PALB2: variants seen among roughly 807,000 people sequenced by gnomAD.
PALB2 encodes the protein mutant partner and localizer of BRCA2.
Under a neutral mutation model 107.4 loss-of-function variants are expected in PALB2, and 82 were observed. That is an observed-to-expected ratio of 0.76 (90% CI 0.64 to 0.92). The LOEUF is 0.92. Among genes scored for constraint, PALB2 ranks in the 40% least tolerant of loss-of-function variants. The pLI is 0.00. For missense variants in PALB2, 1,374 were observed against 1,379.9 expected (o/e 1.00, Z 0.07); for synonymous variants, 489 against 496.8 (o/e 0.98, Z 0.21).
At chr16:23,627,524 T>G (rs1243022602) in intron 6 of PALB2, among the ~76,000 whole-genome samples, 1 of 144,350 alleles carries the variant, frequency 6.9e-6, no homozygotes, top group Admixed American at 6.8e-5. Context: ...AAAATCATAA[T>G]CACAAAGGCA....
At chr16:23,610,629 G>C (rs1057325237) in intron 11 of PALB2, among the ~76,000 whole-genome samples, 2 of 151,914 alleles carry the variant, frequency 1.3e-5, no homozygotes, top group African/African-American at 4.8e-5. Context: ...TCTGAAGATT[G>C]GCTTTATGGG....
intron 6 of PALB2, among the ~76,000 whole-genome samples, chr16:23,628,744 T>C (rs976128764): frequency 6.6e-6 from 1 of 152,146 alleles, no homozygotes; most frequent in African/African-American, 2.4e-5. Context: ...AAGTATTCTC[T>C]TCCCTCAGCC....
intron 1 of PALB2, 87 bp downstream of exon 1, chr16:23,641,023 C>T: frequency 2.0e-6 from 3 of 1,489,130 alleles, no homozygotes; most frequent in Admixed American, 3.8e-5. Context: ...CTGCTGCCCT[C>T]GGACTGCCGA....
At position 23,621,158 on chromosome 16, in the gene PALB2, C is replaced by T. The variant is rs8060124; in HGVS notation, c.3113+204G>A. Reference sequence around the variant, plus strand: ...CCAGGAGGCAGAGGTTGCAGTGAGCCGAGATCATACCACTGTACTCCCACC... The same window carrying T: ...CCAGGAGGCAGAGGTTGCAGTGAGCTGAGATCATACCACTGTACTCCCACC... On this transcript the variant is annotated intron_variant, in intron 10 of 12. Coordinates refer to ENST00000261584, the MANE Select transcript of PALB2 (RefSeq NM_024675.4). 0.18 allele frequency among the ~76,000 whole-genome samples: 27,720 copies of T among 152,044 alleles called. 2,645 individuals are homozygous for T. Among genetic ancestry groups the T allele is most frequent in the African/African-American group, 0.22 (9,276 of 41,460 alleles).
In PALB2 at chr16:23,634,840, C is replaced by T. The variant is rs776900346; in HGVS notation, c.1684+22G>A. The T allele has an allele frequency of 1.3e-5, 21 of 1,604,000 alleles. No individual in the cohort carries two copies. The East Asian group carries it at 4.7e-4, about 36-fold the overall frequency. ...TAACTTTCATCATCATCATCATCAT[C>T]ATCAAACACATCTTGATTTACCTTT... On this transcript the variant is annotated intron_variant, in intron 4 of 12. Coordinates refer to ENST00000261584, the MANE Select transcript of PALB2 (RefSeq NM_024675.4).
chr16:23,638,622 T>G (rs1967125454), intron 1 of PALB2: 1 of 448,964 alleles, frequency 2.2e-6, no homozygotes, highest in African/African-American at 2.0e-5. Context: ...CCACTATGTG[T>G]CAATTAGTGC....
chr16:23,633,581 C>T (rs1361288700), intron 4 of PALB2, among the ~76,000 whole-genome samples: 1 of 152,180 alleles, frequency 6.6e-6, no homozygotes, highest in Non-Finnish European at 1.5e-5. Flanking sequence ...CGTTGCTGCC[C>T]ATCCTCCAAA....
chr16:23,604,989 G>A (rs993262058), intron 12 of PALB2, among the ~76,000 whole-genome samples: 5 of 151,924 alleles, frequency 3.3e-5, no homozygotes, highest in Admixed American at 1.3e-4. Flanking sequence ...CAAGAGGATC[G>A]CTTGAACCTG....
chr16:23,614,069 G>A lies in PALB2; in HGVS notation c.3136C>T (p.Leu1046=), dbSNP rs750579753. The A allele has an allele frequency of 6.2e-7, 1 of 1,612,692 alleles. No homozygotes were observed. The highest frequency in any genetic ancestry group is 1.1e-5 in the South Asian group (1 of 90,988). The change falls in exon 11 of 13, where the codon CTG becomes TTG. Residue 1046 remains leucine (L), a synonymous_variant. Coordinates refer to ENST00000261584, the MANE Select transcript of PALB2 (RefSeq NM_024675.4). The stretch of plus-strand genomic sequence containing the variant: ...GAATCATCAATGTGCATCTTTTTCA[G>A]GAGTTGACCAGTTTTTAAATTCCTT... ...VIWNLKTGQL[L]KKMHIDDSYQ... is the part of the protein sequence containing the mutation.
In PALB2 at chr16:23,636,352, G is replaced by GTA. The variant is rs751741705; in HGVS notation, c.212-20_212-19dup. On this transcript the variant is annotated intron_variant, in intron 3 of 12. Coordinates refer to ENST00000261584, the MANE Select transcript of PALB2 (RefSeq NM_024675.4). ...TTTAGGTTCTGAGGAGGAAAAAAAT[G>GTA]TATATAACTTATATTTTTCTTATAA... is the stretch of plus-strand genomic sequence containing the variant. The GTA allele has an allele frequency of 2.1e-5, 31 of 1,489,266 alleles. No homozygotes were observed. In the Admixed American group the frequency reaches 6.2e-4, roughly 30 times the overall value. The allele number at this position is 1,489,266 out of a possible 1,614,324, so 92.3% of individuals were successfully genotyped here. A position where few individuals can be genotyped will look rare whatever the true frequency, so the allele number is the denominator to read the frequency against.
chr16:23,620,104 G>T (rs991767182), intron 10 of PALB2, among the ~76,000 whole-genome samples: 4 of 151,980 alleles, frequency 2.6e-5, no homozygotes, highest in Non-Finnish European at 1.5e-5. Context: ...TTGTAAGTTT[G>T]TCTGTCCTAG....
At chr16:23,619,404 G>A (rs1286080037) in intron 10 of PALB2, among the ~76,000 whole-genome samples, 1 of 152,026 alleles carries the variant, frequency 6.6e-6, no homozygotes, top group Non-Finnish European at 1.5e-5. Flanking sequence ...CTAGAGTGCA[G>A]TGGCGCGATC....
rs1555461703 is a variant in PALB2, at chr16:23,635,925, T to C, written c.621A>G (p.Pro207=). The C allele has an allele frequency of 1.2e-6, 2 of 1,614,086 alleles. No homozygotes were observed. Among genetic ancestry groups the C allele is most frequent in the South Asian group, 2.2e-5 (2 of 91,092 alleles). ...THLLSLKSEL[P]DSPEPVTEIN... ...TTTCTGTAACTGGTTCTGGAGAATC[T>C]GGAAGTTCAGATTTAAGACTTAAAA... The change falls in exon 4 of 13, where the codon CCA becomes CCG. Residue 207 remains proline (P), a synonymous_variant. Transcript: ENST00000261584.
chr16:23,608,642 C>T (rs1226690756), intron 11 of PALB2, among the ~76,000 whole-genome samples: 1 of 152,010 alleles, frequency 6.6e-6, no homozygotes, highest in Non-Finnish European at 1.5e-5. Context: ...CCACAATAGC[C>T]TATTTAAAAC....
At chr16:23,622,575 T>C (rs964612883) in intron 9 of PALB2, among the ~76,000 whole-genome samples, 4 of 152,250 alleles carry the variant, frequency 2.6e-5, no homozygotes, top group South Asian at 2.1e-4. Context: ...TTTAAATTTT[T>C]TGTAAAGATG....
rs769097541 is a variant in PALB2 at position 23,635,354 on chromosome 16, C to T, written c.1192G>A (p.Val398Met). Reference protein sequence around the residue: ...PLSAEKHSCTVPEGLLFPAEY... With the variant: ...PLSAEKHSCTMPEGLLFPAEY... Reference sequence around the variant, plus strand: ...GCAGGAAACAGAAGGCCTTCAGGCACTGTGCAAGAATGTTTTTCTGCAGAA... The same window carrying T: ...GCAGGAAACAGAAGGCCTTCAGGCATTGTGCAAGAATGTTTTTCTGCAGAA... Residue 398 changes from valine to methionine, a missense_variant, in exon 4 of 13, where the codon GTG (valine) becomes ATG (methionine). Transcript: ENST00000261584. 1.2e-6 allele frequency: 2 copies of T among 1,614,010 alleles called. No homozygotes were observed. Among genetic ancestry groups the T allele is most frequent in the Admixed American group, 3.3e-5 (2 of 60,026 alleles).
intron 11 of PALB2, among the ~76,000 whole-genome samples, chr16:23,610,186 T>C (rs1966558504): frequency 1.3e-5 from 2 of 152,130 alleles, no homozygotes; most frequent in South Asian, 2.1e-4. Flanking sequence ...AATGGCAGAG[T>C]TGAGTATGTA....
At position 23,630,087 on chromosome 16, in the gene PALB2, C is replaced by A. The variant is rs371149159; in HGVS notation, c.2067G>T (p.Ser689=). The change falls in exon 5 of 13, where the codon TCG becomes TCT. Residue 689 remains serine (S), a synonymous_variant. Coordinates refer to ENST00000261584, the MANE Select transcript of PALB2 (RefSeq NM_024675.4). ...PGKSHPKRPN[S]QSQHTKTGLS... is the part of the protein sequence containing the mutation. ...GGCCCGTCTTTGTATGCTGGCTTTG[C>A]GAGTTTGGCCTTTTGGGATGTGATT... The A allele has an allele frequency of 1.2e-6, 2 of 1,614,114 alleles. No homozygotes were observed. The highest frequency in any genetic ancestry group is 1.1e-5 in the South Asian group (1 of 91,074).
chr16:23,640,486 A>C (rs1023634308), intron 1 of PALB2: 9 of 212,726 alleles, frequency 4.2e-5, no homozygotes, highest in Non-Finnish European at 4.8e-5. Flanking sequence ...CATGGGTGGC[A>C]GAGTGAGACT....
Sources: allele counts gnomAD v4.1 joint callset (sites outside exome capture counted in the v4.1 genomes callset), GRCh38; gene constraint gnomAD v4.1.1; transcripts MANE v1.5; gene names NCBI Gene and HGNC (gene_info 2026-07-23, HGNC 2026-07-21).